XRN1: variants seen among roughly 807,000 people sequenced by gnomAD.
XRN1 encodes the protein 5'-3' exoribonuclease 1.
In XRN1, 67 loss-of-function variants were observed where a neutral mutation model predicts 222.3. The observed-to-expected ratio is 0.30, with a 90% CI of 0.25 to 0.37. XRN1 has a LOEUF of 0.37. Among genes scored for constraint, XRN1 ranks in the 10% least tolerant of loss-of-function variants. XRN1 has a pLI of 1.00. For synonymous variants in XRN1, 643 were observed against 652.4 expected, an observed-to-expected ratio of 0.99 and a Z score of 0.22; for missense variants, 1,707 against 2,000.2, an observed-to-expected ratio of 0.85 and a Z score of 2.80.
Position 142,447,759 on chromosome 3 carries a change from G to A in XRN1, c.75+111C>T. On this transcript the variant is annotated intron_variant, in intron 1 of 40. Coordinates refer to ENST00000392981, the MANE Select transcript of XRN1 (RefSeq NM_001282857.2). This position sits in a 1 kb window ranked among gnomAD's most constrained non-coding sequence, Gnocchi z 4.2. ...GTCCCCCTCCCTAATGCCACTAATC[G>A]TCCAGACGACGAGGGGAAAGAGGTG... is the stretch of plus-strand genomic sequence containing the variant. 5 of 1,273,634 alleles carry A rather than the reference G, an allele frequency of 3.9e-6. No individual in the cohort carries two copies. Among genetic ancestry groups the A allele is most frequent in the Non-Finnish European group, 5.5e-6 (5 of 907,288 alleles). 78.9% of individuals were successfully genotyped at this position (1,273,634 alleles called of 1,614,324 possible).
chr3:142,446,407 T>A (rs904101501), intron 1 of XRN1, among the ~76,000 whole-genome samples: 3 of 152,232 alleles, frequency 2.0e-5, no homozygotes, highest in Admixed American at 1.3e-4. Flanking sequence ...TCCCAGTTTC[T>A]ATATAAAGCT....
intron 1 of XRN1, among the ~76,000 whole-genome samples, chr3:142,434,510 CT>C (rs371969192): frequency 0.011 from 1,452 of 130,636 alleles, 5 homozygotes; most frequent in African/African-American, 0.025. Flanking sequence ...TTTTTTTACA[CT>C]TTTTTTTTTT....
At chr3:142,317,508 G>T (rs1397362257) in intron 39 of XRN1, among the ~76,000 whole-genome samples, 1 of 152,110 alleles carries the variant, frequency 6.6e-6, no homozygotes, top group Non-Finnish European at 1.5e-5. Context: ...AACAGGATGA[G>T]AAAAAGGGAA....
chr3:142,432,735 C>T lies in XRN1; in HGVS notation c.234G>A (p.Arg78=). 1 of 1,613,472 alleles carries T rather than the reference C, an allele frequency of 6.2e-7. No individual in the cohort carries two copies. Among genetic ancestry groups the T allele is most frequent in the Non-Finnish European group, 8.5e-7 (1 of 1,179,772 alleles). ...CATCTACAGCCATAAAGAACACTTT[C>T]CTGGGTTTAATAATGCGAAACAACA... ...LEVLFRIIKP[R]KVFFMAVDGV... is the part of the protein sequence containing the mutation. Residue 78 remains arginine, a synonymous_variant, in exon 2 of 41, where the codon AGG becomes AGA. Transcript: ENST00000392981.
chr3:142,322,903 TGAGGCAG>T (rs1434962981), intron 37 of XRN1, among the ~76,000 whole-genome samples: 1 of 151,896 alleles, frequency 6.6e-6, no homozygotes, highest in African/African-American at 2.4e-5. Context: ...CTCAGGAGGC[TGAGGCAG>T]GATAATCGCT....
rs139553349 is a variant in XRN1 at position 142,310,330 on chromosome 3, AAT to A, written c.*1179_*1180del. On this transcript the variant is annotated 3_prime_UTR_variant, in exon 41 of 41. Transcript: ENST00000392981. ...AGCATATCACAAAAACTAAAGAATA[AAT>A]ATATATATATATATAAACATAGGCC... 0.012 allele frequency: 1,800 copies of A among 150,122 alleles called. 40 individuals carry two copies. The highest frequency in any genetic ancestry group is 0.042 in the African/African-American group (1,704 of 41,032). The allele number at this position is 150,122 out of a possible 1,614,324, so 9.3% of individuals were successfully genotyped here.
intron 15 of XRN1, among the ~76,000 whole-genome samples, chr3:142,410,239 T>C (rs1400657001): frequency 6.6e-6 from 1 of 151,638 alleles, no homozygotes; most frequent in African/African-American, 2.4e-5. Flanking sequence ...TGCAGTAAGA[T>C]TTTTTATATG....
At chr3:142,348,398 T>C (rs951531283) in intron 32 of XRN1, among the ~76,000 whole-genome samples, 1 of 152,146 alleles carries the variant, frequency 6.6e-6, no homozygotes. Flanking sequence ...ATAGCCAGAC[T>C]GATGATAAAG....
intron 25 of XRN1, among the ~76,000 whole-genome samples, chr3:142,371,562 A>C (rs910582747): frequency 6.6e-6 from 1 of 152,146 alleles, no homozygotes; most frequent in Non-Finnish European, 1.5e-5. Context: ...ACTTATAATA[A>C]ACTTCAATTA....
Position 142,447,806 on chromosome 3 carries a change from G to T in XRN1, c.75+64C>A. ...GGTGGCTCGAAAGCCCCAGCTCTAA[G>T]GTGGAGAGGGCCGCGGAGCCCCGGG... On this transcript the variant is annotated intron_variant, in intron 1 of 40. Transcript: ENST00000392981. The surrounding 1 kb of genome is among the most constrained non-coding windows in gnomAD (Gnocchi z 4.2). The T allele has an allele frequency of 6.3e-7, 1 of 1,580,572 alleles. No individual in the cohort carries two copies. Among genetic ancestry groups the T allele is most frequent in the South Asian group, 1.1e-5 (1 of 90,122 alleles).
chr3:142,395,487 C>G (rs934856390), intron 20 of XRN1, among the ~76,000 whole-genome samples: 1 of 152,136 alleles, frequency 6.6e-6, no homozygotes, highest in Non-Finnish European at 1.5e-5. Flanking sequence ...CTTTGCTGCC[C>G]TCATAGAAGT....
intron 32 of XRN1, among the ~76,000 whole-genome samples, chr3:142,350,836 A>G (rs1005464845): frequency 1.2e-4 from 19 of 152,182 alleles, no homozygotes; most frequent in Admixed American, 2.6e-4. Context: ...GATGGAAATG[A>G]CATTAGGTAA....
intron 39 of XRN1, among the ~76,000 whole-genome samples, chr3:142,315,701 G>A (rs1386086037): frequency 6.6e-6 from 1 of 151,794 alleles, no homozygotes; most frequent in Non-Finnish European, 1.5e-5. Flanking sequence ...ATTTTTAGTA[G>A]AGACGGTTTC....
chr3:142,374,049 C>T (rs2067066758), intron 25 of XRN1, among the ~76,000 whole-genome samples: 1 of 152,090 alleles, frequency 6.6e-6, no homozygotes, highest in Non-Finnish European at 1.5e-5. Flanking sequence ...ATTCTACACC[C>T]AGGCAAACTA....
At chr3:142,436,245 A>G (rs1473253051) in intron 1 of XRN1, among the ~76,000 whole-genome samples, 1 of 152,186 alleles carries the variant, frequency 6.6e-6, no homozygotes, top group African/African-American at 2.4e-5. Flanking sequence ...GATGTTACCC[A>G]GTATTAACAG....
At chr3:142,401,412 T>A (rs900480618) in intron 18 of XRN1, among the ~76,000 whole-genome samples, 1 of 152,084 alleles carries the variant, frequency 6.6e-6, no homozygotes, top group African/African-American at 2.4e-5. Flanking sequence ...AAGTAAAAAA[T>A]TCTAGTTTTA....
At chr3:142,418,635 T>C in intron 11 of XRN1, 26 bp from the exon 12 acceptor site, 1 of 1,550,240 alleles carries the variant, frequency 6.5e-7, no homozygotes, top group Non-Finnish European at 8.8e-7. Flanking sequence ...AGAAAGATAG[T>C]GACTGACAAT....
rs953705036 is a variant in XRN1 at position 142,375,935 on chromosome 3, T to G, written c.2841A>C (p.Gly947=). Reference sequence around the variant, plus strand: ...TTAAACCCACATTTGCTTTATGGTCTCCATGAGGGCTGAATTTAAACCACA... The same window carrying G: ...TTAAACCCACATTTGCTTTATGGTCGCCATGAGGGCTGAATTTAAACCACA... ...IGRGSRRNPH[G]DHKANVGLNL... Residue 947 remains glycine (G), a synonymous_variant, in exon 25 of 41, where the codon GGA becomes GGC. Coordinates refer to ENST00000392981, the MANE Select transcript of XRN1 (RefSeq NM_001282857.2). 6.2e-7 allele frequency: 1 copy of G among 1,613,152 alleles called. No individual in the cohort carries two copies. Among genetic ancestry groups the G allele is most frequent in the Non-Finnish European group, 8.5e-7 (1 of 1,179,682 alleles).
intron 12 of XRN1, chr3:142,417,848 G>A (rs1405435171): frequency 6.6e-6 from 1 of 152,140 alleles, no homozygotes; most frequent in Non-Finnish European, 1.5e-5. Flanking sequence ...ATATTTCTGG[G>A]AGGTAGTTTT....
Sources: allele counts gnomAD v4.1 joint callset (sites outside exome capture counted in the v4.1 genomes callset), GRCh38; gene constraint gnomAD v4.1.1; non-coding constraint Gnocchi (gnomAD v3.1); transcripts MANE v1.5; gene names NCBI Gene and HGNC (gene_info 2026-07-23, HGNC 2026-07-21).